Variants in WDR31 observed in about 807,000 individuals in gnomAD.
WDR31 encodes WD repeat-containing protein 31.
WDR31 carries 30 observed loss-of-function variants against 47.3 expected under a neutral mutation model. The ratio of observed to expected loss-of-function variants is 0.63; its 90% CI spans 0.47 to 0.86. The LOEUF is 0.86. Among genes scored for constraint, WDR31 ranks in the 40% least tolerant of loss-of-function variants. WDR31 has a pLI of 0.00. For synonymous variants in WDR31, 137 were observed against 159.4 expected (o/e 0.86, Z 1.06); for missense variants, 406 against 442.9 (o/e 0.92, Z 0.75).
chr9:113,328,727 T>C (rs762928034), intron 5 of WDR31, among the ~76,000 whole-genome samples, 154 bp downstream of exon 5: 79 of 152,260 alleles, frequency 5.2e-4, no homozygotes, highest in Non-Finnish European at 6.3e-4. Flanking sequence ...GTGAATGGTT[T>C]GCTCTGTTTC....
chr9:113,327,623 G>A (rs1484264349), intron 5 of WDR31, among the ~76,000 whole-genome samples: 1 of 152,278 alleles, frequency 6.6e-6, no homozygotes, highest in East Asian at 1.9e-4. Context: ...CTAAATAGCT[G>A]AGACTACAGG....
intron 3 of WDR31, 82 bp downstream of exon 3, chr9:113,331,825 C>T (rs1397481396): frequency 1.5e-5 from 20 of 1,299,272 alleles, no homozygotes; most frequent in African/African-American, 4.4e-5. Flanking sequence ...CATCAACATT[C>T]GCCCTGGGCC....
intron 5 of WDR31, among the ~76,000 whole-genome samples, chr9:113,324,824 ATATATGTGTG>A (rs1564303134): frequency 1.1e-5 from 1 of 93,094 alleles, no homozygotes; most frequent in African/African-American, 4.9e-5. Context: ...TGCTATATAT[ATATATGTGTG>A]TGTGTGTGTG....
chr9:113,327,944 A>G (rs1588046116), intron 5 of WDR31, among the ~76,000 whole-genome samples: 3 of 151,838 alleles, frequency 2.0e-5, no homozygotes, highest in Admixed American at 6.6e-5. Context: ...TCAAAAAACA[A>G]AACAAAAAAT....
chr9:113,332,147 C>A, intron 2 of WDR31, 97 bp from the exon 3 acceptor site: 1 of 850,432 alleles, frequency 1.2e-6, no homozygotes, highest in Non-Finnish European at 1.8e-6. Context: ...TAATTGTATG[C>A]TTTTGCTTTT....
intron 10 of WDR31, among the ~76,000 whole-genome samples, chr9:113,317,443 T>C (rs1833230666): frequency 6.6e-6 from 1 of 152,156 alleles, no homozygotes. Context: ...GGTCAACATT[T>C]CCAGATCTCG....
At position 113,315,154 on chromosome 9, in the gene WDR31, G is replaced by A. The variant is rs1833162629; in HGVS notation, c.*1595C>T. 1 of 151,912 alleles carries A rather than the reference G, an allele frequency of 6.6e-6. No individual in the cohort carries two copies. The highest frequency in any genetic ancestry group is 1.5e-5 in the Non-Finnish European group (1 of 68,020). The allele number at this position is 151,912 out of a possible 1,614,324, so 9.4% of individuals were successfully genotyped here. On this transcript the variant is annotated 3_prime_UTR_variant, in exon 11 of 11. Transcript: ENST00000374193. ...TGTAATCTCAACACTTAAGGAGGCC[G>A]AGGCAGATGGATCACTTGAGCCCAG...
chr9:113,337,420 C>G (rs892712240), intron 1 of WDR31, among the ~76,000 whole-genome samples: 3 of 151,764 alleles, frequency 2.0e-5, no homozygotes, highest in Admixed American at 6.6e-5. Flanking sequence ...ACTTTTTGAG[C>G]ACTGACATGA....
At chr9:113,322,975 C>T (rs1243723825) in intron 6 of WDR31, 36 bp downstream of exon 6, 2 of 1,613,588 alleles carry the variant, frequency 1.2e-6, no homozygotes, top group Non-Finnish European at 1.7e-6. Context: ...TTTCAGAAAG[C>T]ACAAAGGCAT....
At chr9:113,328,366 G>C (rs969533221) in intron 5 of WDR31, among the ~76,000 whole-genome samples, 3 of 152,122 alleles carry the variant, frequency 2.0e-5, no homozygotes, top group African/African-American at 7.2e-5. Flanking sequence ...TTAATTTTTG[G>C]TTCATTTAGG....
At chr9:113,330,836 G>C (rs1424005679) in intron 4 of WDR31, 148 bp downstream of exon 4, 5 of 888,002 alleles carry the variant, frequency 5.6e-6, no homozygotes, top group East Asian at 2.7e-5. Context: ...GGCCAAGCAG[G>C]GATTTAAATC....
At chr9:113,334,123 C>A (rs2118853004) in intron 2 of WDR31, among the ~76,000 whole-genome samples, 1 of 152,232 alleles carries the variant, frequency 6.6e-6, no homozygotes, top group Non-Finnish European at 1.5e-5. Flanking sequence ...CCCACTTCAG[C>A]CTCCCAGGGA....
At chr9:113,339,361 C>G (rs1833781464) in intron 1 of WDR31, among the ~76,000 whole-genome samples, 1 of 152,174 alleles carries the variant, frequency 6.6e-6, no homozygotes, top group Non-Finnish European at 1.5e-5. Flanking sequence ...TTTCCCTGGT[C>G]CCGTTAATGC....
chr9:113,329,895 C>T (rs1833556853), intron 4 of WDR31, among the ~76,000 whole-genome samples: 1 of 151,856 alleles, frequency 6.6e-6, no homozygotes, highest in African/African-American at 2.4e-5. Flanking sequence ...GCTGGAGAAT[C>T]GCTTGAACCC....
intron 4 of WDR31, among the ~76,000 whole-genome samples, chr9:113,330,580 A>G (rs561888573): frequency 6.6e-6 from 1 of 152,342 alleles, no homozygotes; most frequent in East Asian, 1.9e-4. Flanking sequence ...AGAAGAGATT[A>G]GACAGTTCCT....
In WDR31 at chr9:113,315,852, A is replaced by C. The variant is rs1833186245; in HGVS notation, c.*897T>G. On this transcript the variant is annotated 3_prime_UTR_variant, in exon 11 of 11. Coordinates refer to ENST00000374193, the MANE Select transcript of WDR31 (RefSeq NM_001012361.4). ...GGTCTTGAACTCCTGACCTAAAGTGATCTGCCTGCCTCGTTTTTCCTGTAT... is the reference window on the plus strand; with the variant it reads ...GGTCTTGAACTCCTGACCTAAAGTGCTCTGCCTGCCTCGTTTTTCCTGTAT... 1 of 151,916 alleles carries C rather than the reference A, an allele frequency of 6.6e-6. No individual in the cohort carries two copies. Among genetic ancestry groups the C allele is most frequent in the Admixed American group, 6.6e-5 (1 of 15,242 alleles). 9.4% of individuals were successfully genotyped at this position (151,916 alleles called of 1,614,324 possible). A position where few individuals can be genotyped will look rare whatever the true frequency, so the allele number is the denominator to read the frequency against.
intron 1 of WDR31, among the ~76,000 whole-genome samples, chr9:113,338,388 T>G (rs770154285): frequency 2.0e-5 from 3 of 152,222 alleles, no homozygotes; most frequent in Non-Finnish European, 4.4e-5. Flanking sequence ...GGGTTATATC[T>G]ACGTTGTTGT....
chr9:113,327,231 A>G (rs1833492309), intron 5 of WDR31, among the ~76,000 whole-genome samples: 1 of 152,196 alleles, frequency 6.6e-6, no homozygotes, highest in Non-Finnish European at 1.5e-5. Context: ...TTGCTTCTTG[A>G]GTAGTTCTTC....
chr9:113,332,801 G>A (rs1564313021), intron 2 of WDR31, among the ~76,000 whole-genome samples: 1 of 152,090 alleles, frequency 6.6e-6, no homozygotes, highest in Non-Finnish European at 1.5e-5. Context: ...GAGGTGTTTC[G>A]GTCATGTGAC....
Sources: gnomAD v4.1 joint callset for allele counts (sites outside exome capture counted in the v4.1 genomes callset) on GRCh38, gnomAD v4.1.1 for gene constraint, MANE v1.5 for transcripts, NCBI Gene and HGNC (gene_info 2026-07-23, HGNC 2026-07-21) for gene names.